The following OTOGL variants were observed in gnomAD, a reference collection of about 807,000 sequenced individuals.
The protein encoded by OTOGL is otogelin like.
In OTOGL, 285 loss-of-function variants were observed where a neutral mutation model predicts 318.5. That is an observed-to-expected ratio of 0.89 (90% CI 0.81 to 0.99). The LOEUF is 0.99. Among genes scored for constraint, OTOGL ranks in the 50% least tolerant of loss-of-function variants. The pLI, the probability that OTOGL is intolerant of heterozygous loss-of-function variation, is 0.00. For missense variants in OTOGL, 2,899 were observed against 2,845.6 expected (o/e 1.02, Z -0.43); for synonymous variants, 987 against 936.5 (o/e 1.05, Z -0.99).
At position 80,356,293 on chromosome 12, in the gene OTOGL, G is replaced by A. The variant is rs1889893849; in HGVS notation, c.5807-123G>A. 3 of 718,332 alleles carry A rather than the reference G, an allele frequency of 4.2e-6. No homozygotes were observed. The African/African-American group carries it at 5.4e-5, about 13-fold the overall frequency. The allele number at this position is 718,332 out of a possible 1,614,324, so 44.5% of individuals were successfully genotyped here. On this transcript the variant is annotated intron_variant, in intron 47 of 58. Transcript: ENST00000547103. ...TGGGTTAACTGCAGTGTAAAAACAT[G>A]CATAATGAGAGTCATTTCCCGTCTT...
At chr12:80,125,532 T>A (rs1870770425) in intron 1 of OTOGL, among the ~76,000 whole-genome samples, 1 of 152,238 alleles carries the variant, frequency 6.6e-6, no homozygotes, top group South Asian at 2.1e-4. Context: ...GGCTTTGGTA[T>A]CAGGATGATG....
chr12:80,306,218 T>TC (rs1261096486), intron 29 of OTOGL, among the ~76,000 whole-genome samples: 1 of 152,192 alleles, frequency 6.6e-6, no homozygotes, highest in Non-Finnish European at 1.5e-5. Context: ...TTTGCATATT[T>TC]CTCTTTCAAA....
chr12:80,276,702 G>A (rs1236895446), intron 24 of OTOGL, among the ~76,000 whole-genome samples: 2 of 151,586 alleles, frequency 1.3e-5, no homozygotes, highest in African/African-American at 4.8e-5. Context: ...CTGTAGAATC[G>A]AGGTCATTGT....
At chr12:80,278,954 C>A in intron 25 of OTOGL, 74 bp from the exon 26 acceptor site, 1 of 1,501,694 alleles carries the variant, frequency 6.7e-7, no homozygotes. Flanking sequence ...ACAGACATTC[C>A]AATGTTGCTG....
chr12:80,295,328 C>T (rs1885318034), intron 26 of OTOGL, among the ~76,000 whole-genome samples: 1 of 152,006 alleles, frequency 6.6e-6, no homozygotes, highest in African/African-American at 2.4e-5. Flanking sequence ...AGGTGCGTGC[C>T]ACCATGCCTG....
chr12:80,122,069 A>G (rs1870520038), intron 1 of OTOGL, among the ~76,000 whole-genome samples: 4 of 152,170 alleles, frequency 2.6e-5, no homozygotes, highest in South Asian at 4.1e-4. Context: ...TCTCATTTGA[A>G]TCATTTTTGA....
Position 80,336,011 on chromosome 12 carries a change from A to G in OTOGL, c.4471A>G (p.Asn1491Asp), listed in dbSNP as rs1298732725. 4 of 1,598,242 alleles carry G rather than the reference A, an allele frequency of 2.5e-6. No individual in the cohort carries two copies. Among genetic ancestry groups the G allele is most frequent in the African/African-American group, 2.7e-5 (2 of 74,846 alleles). ...VYDCSQYICL[N>D]MEWQLYNWSL... ...TGATTGTAGCCAATACATATGCCTT[A>G]ATATGGAATGGCAGTTATACAACTG... Residue 1491 changes from asparagine to aspartate, a missense_variant, in exon 39 of 59, where the codon AAT (asparagine) becomes GAT (aspartate). Transcript: ENST00000547103.
chr12:80,300,221 C>A (rs1230404223), intron 27 of OTOGL, among the ~76,000 whole-genome samples: 1 of 146,594 alleles, frequency 6.8e-6, no homozygotes, highest in East Asian at 2.1e-4. Context: ...TTTTTTTAAT[C>A]ATCATTTAAT....
intron 1 of OTOGL, among the ~76,000 whole-genome samples, chr12:80,161,613 TA>T (rs1382243169): frequency 2.0e-5 from 3 of 151,954 alleles, no homozygotes; most frequent in African/African-American, 7.3e-5. Flanking sequence ...TAACTGAATA[TA>T]GGGGAAGGGA....
chr12:80,307,134 C>T (rs376281236), intron 29 of OTOGL, among the ~76,000 whole-genome samples: 6 of 150,726 alleles, frequency 4.0e-5, no homozygotes, highest in South Asian at 2.1e-4. Flanking sequence ...GTAAGGTCAC[C>T]GATCAACAGG....
Position 80,170,496 on chromosome 12 carries a change from C to T in OTOGL, c.-19-38917C>T, listed in dbSNP as rs947612291. Among the ~76,000 whole-genome samples the T allele has an allele frequency of 7.2e-4, 109 of 151,390 alleles. 1 individual carries two copies. Among genetic ancestry groups the T allele is most frequent in the African/African-American group, 2.3e-3 (96 of 41,176 alleles). Reference sequence around the variant, plus strand: ...TTGCCCAGGCTGGAGTACAGTGGCGCGATCTTGGCTCACTGCAACCTCTGT... The same window carrying T: ...TTGCCCAGGCTGGAGTACAGTGGCGTGATCTTGGCTCACTGCAACCTCTGT... On this transcript the variant is annotated intron_variant, in intron 1 of 58. Transcript: ENST00000547103.
chr12:80,247,206 C>T (rs1880989442), intron 11 of OTOGL, among the ~76,000 whole-genome samples: 1 of 148,866 alleles, frequency 6.7e-6, no homozygotes, highest in African/African-American at 2.6e-5. Context: ...CTTCTGTTAG[C>T]TTTTGAATGT....
chr12:80,275,765 G>A (rs1883756859), intron 24 of OTOGL, among the ~76,000 whole-genome samples: 1 of 151,376 alleles, frequency 6.6e-6, no homozygotes, highest in African/African-American at 2.4e-5. Flanking sequence ...TTAGTCAGCA[G>A]CCATCAACAT....
chr12:80,247,874 A>T (rs12368163), intron 11 of OTOGL, among the ~76,000 whole-genome samples: 49,003 of 57,900 alleles, frequency 0.85, 21,406 homozygotes, highest in East Asian at 1. Flanking sequence ...TATATTTAGG[A>T]TAGTTAGCTC....
chr12:80,316,629 G>A (rs1886990506), intron 32 of OTOGL, among the ~76,000 whole-genome samples: 1 of 152,166 alleles, frequency 6.6e-6, no homozygotes, highest in Non-Finnish European at 1.5e-5. Context: ...TTGGCTCCAT[G>A]GAGTGGCAGG....
intron 1 of OTOGL, among the ~76,000 whole-genome samples, chr12:80,122,632 C>G (rs80000283): frequency 0.024 from 3,639 of 152,224 alleles, 104 homozygotes; most frequent in East Asian, 0.11. Context: ...TGGCAAGAAG[C>G]AAAAGAAATG....
intron 26 of OTOGL, among the ~76,000 whole-genome samples, chr12:80,291,484 C>T (rs1885038689): frequency 6.6e-6 from 1 of 152,166 alleles, no homozygotes; most frequent in South Asian, 2.1e-4. Context: ...TATGTGCCTG[C>T]AAATACCTAT....
intron 1 of OTOGL, among the ~76,000 whole-genome samples, chr12:80,114,934 G>T (rs1870071719): frequency 6.6e-6 from 1 of 151,476 alleles, no homozygotes; most frequent in African/African-American, 2.4e-5. Context: ...TATACTTCAT[G>T]AAGTTCTTGT....
At chr12:80,142,316 G>A (rs1458994557) in intron 1 of OTOGL, among the ~76,000 whole-genome samples, 2 of 152,088 alleles carry the variant, frequency 1.3e-5, no homozygotes, top group Non-Finnish European at 2.9e-5. Context: ...CGTGTCTAGC[G>A]GTTATTGTAC....
Sources: gnomAD v4.1 joint callset for allele counts (sites outside exome capture counted in the v4.1 genomes callset) on GRCh38, gnomAD v4.1.1 for gene constraint, MANE v1.5 for transcripts, NCBI Gene and HGNC (gene_info 2026-07-23, HGNC 2026-07-21) for gene names.